The following TRMT61A variants were observed in gnomAD, a reference collection of about 807,000 sequenced individuals.
TRMT61A encodes the protein tRNA (adenine(58)-N(1))-methyltransferase catalytic subunit TRMT61A.
In TRMT61A, 15 loss-of-function variants were observed where a neutral mutation model predicts 21.3. The ratio of observed to expected loss-of-function variants is 0.70; its 90% CI spans 0.47 to 1.08. The LOEUF is 1.08. Ranked by LOEUF, TRMT61A falls within the 50% of genes least tolerant of loss-of-function variation. TRMT61A has a pLI of 0.00. For missense variants in TRMT61A, 352 were observed against 426.7 expected, an observed-to-expected ratio of 0.83 and a Z score of 1.54; for synonymous variants, 183 against 185.5, an observed-to-expected ratio of 0.99 and a Z score of 0.11.
Position 103,533,356 on chromosome 14 carries a change from C to T in TRMT61A, c.598+508C>T, listed in dbSNP as rs551740610. Among the ~76,000 whole-genome samples the T allele has an allele frequency of 2.6e-5, 4 of 152,338 alleles. No homozygotes were observed. The South Asian group carries it at 6.2e-4, about 24-fold the overall frequency. The stretch of plus-strand genomic sequence containing the variant: ...GCAGCAGGGGCCCCTTCCTTCTTCC[C>T]AGCTGAGAGTTGTATTCTGAGAGGG... On this transcript the variant is annotated intron_variant, in intron 3 of 3. Coordinates refer to ENST00000389749, the MANE Select transcript of TRMT61A (RefSeq NM_152307.3).
intron 2 of TRMT61A, among the ~76,000 whole-genome samples, chr14:103,530,802 T>A (rs2075951696): frequency 6.6e-6 from 1 of 152,206 alleles, no homozygotes; most frequent in Non-Finnish European, 1.5e-5. Flanking sequence ...GGGCCTGGGC[T>A]GTGGGAACCC....
rs1336766492 is a variant in TRMT61A, at chr14:103,535,652, G to A, written c.*831G>A. 1 of 311,214 alleles carries A rather than the reference G, an allele frequency of 3.2e-6. No homozygotes were observed. The highest frequency in any genetic ancestry group is 6.4e-6 in the Non-Finnish European group (1 of 156,740). The allele number at this position is 311,214 out of a possible 1,614,324, so 19.3% of individuals were successfully genotyped here. A position where few individuals can be genotyped will look rare whatever the true frequency, so the allele number is the denominator to read the frequency against. ...GTGGGTACCCCTACCCCTCACAGAA[G>A]CCAAGGGCATGGAGGAGGTCCCTCC... On this transcript the variant is annotated 3_prime_UTR_variant, in exon 4 of 4. Coordinates refer to ENST00000389749, the MANE Select transcript of TRMT61A (RefSeq NM_152307.3).
chr14:103,534,809 G>A lies in TRMT61A; in HGVS notation c.858G>A (p.Lys286=). The change falls in exon 4 of 4, where the codon AAG becomes AAA. Residue 286 remains lysine, a synonymous_variant. Coordinates refer to ENST00000389749, the MANE Select transcript of TRMT61A (RefSeq NM_152307.3). ...CCGGCTACCTGACCTTCGCCACCAA[G>A]ACCCCAGGCTAGGGGGCCGCCTCCC... ...GHTGYLTFAT[K]TPG 6.4e-7 allele frequency: 1 copy of A among 1,552,742 alleles called. No individual in the cohort carries two copies. The highest frequency in any genetic ancestry group is 2.4e-5 in the East Asian group (1 of 42,480).
Position 103,534,419 on chromosome 14 carries a change from A to T in TRMT61A, c.599-131A>T. On this transcript the variant is annotated intron_variant, in intron 3 of 3. Transcript: ENST00000389749. ...TGCCCTGCAGTCCCAGCTCTTGGAGAGCTTGCAGTCTGTGTTGGGGCTGTC... is the reference window on the plus strand; with the variant it reads ...TGCCCTGCAGTCCCAGCTCTTGGAGTGCTTGCAGTCTGTGTTGGGGCTGTC... The T allele has an allele frequency of 4.6e-6, 5 of 1,091,226 alleles. 1 individual carries two copies. The South Asian group carries it at 1.0e-4, about 22-fold the overall frequency. The allele number at this position is 1,091,226 out of a possible 1,614,324, so 67.6% of individuals were successfully genotyped here. A position where few individuals can be genotyped will look rare whatever the true frequency, so the allele number is the denominator to read the frequency against.
intron 2 of TRMT61A, 22 bp downstream of exon 2, chr14:103,530,331 A>C: frequency 6.4e-7 from 1 of 1,557,138 alleles, no homozygotes; most frequent in Non-Finnish European, 8.7e-7. Context: ...AGGCTGCCTC[A>C]GTTTAACGCA....
chr14:103,530,448 G>T, intron 2 of TRMT61A, 139 bp downstream of exon 2: 1 of 801,686 alleles, frequency 1.2e-6, no homozygotes, highest in Non-Finnish European at 1.9e-6. Flanking sequence ...CTGACAGCAG[G>T]GAGTGAAGGT....
Position 103,534,757 on chromosome 14 carries a change from C to T in TRMT61A, c.806C>T (p.Thr269Met), listed in dbSNP as rs377517086. The change falls in exon 4 of 4, where the codon ACG becomes ATG. Residue 269 changes from threonine (T) to methionine (M), a missense_variant. By Grantham distance (81) the Thr-to-Met change is moderately conservative. Transcript: ENST00000389749. ...GSDTSPFRSG[T>M]PMKEAVGHTG... is the part of the protein sequence containing the mutation. ...GACACCAGCCCCTTCCGCAGCGGCA[C>T]GCCCATGAAGGAGGCCGTGGGCCAC... 7.4e-5 allele frequency: 117 copies of T among 1,588,240 alleles called. No individual in the cohort carries two copies. The highest frequency in any genetic ancestry group is 2.1e-4 in the African/African-American group (16 of 74,606).
In TRMT61A at chr14:103,535,106, G is replaced by T. The variant is rs970574028; in HGVS notation, c.*285G>T. Reference sequence around the variant, plus strand: ...GCCACAGGCTCCCCTGGGTGTTGAAGCCAAAGGGTGCAGGTGGGGGAGTCT... The same window carrying T: ...GCCACAGGCTCCCCTGGGTGTTGAATCCAAAGGGTGCAGGTGGGGGAGTCT... On this transcript the variant is annotated 3_prime_UTR_variant, in exon 4 of 4. Coordinates refer to ENST00000389749, the MANE Select transcript of TRMT61A (RefSeq NM_152307.3). 2 of 654,252 alleles carry T rather than the reference G, an allele frequency of 3.1e-6. No homozygotes were observed. The highest frequency in any genetic ancestry group is 3.6e-5 in the African/African-American group (2 of 56,258). The allele number at this position is 654,252 out of a possible 1,614,324, so 40.5% of individuals were successfully genotyped here. A position where few individuals can be genotyped will look rare whatever the true frequency, so the allele number is the denominator to read the frequency against.
At chr14:103,529,489 G>GC (rs2075946129) in intron 1 of TRMT61A, among the ~76,000 whole-genome samples, 1 of 152,250 alleles carries the variant, frequency 6.6e-6, no homozygotes, top group Non-Finnish European at 1.5e-5. Context: ...CTGCCACCTA[G>GC]CCCCCGTGGG....
chr14:103,535,008 G>C lies in TRMT61A; in HGVS notation c.*187G>C, dbSNP rs1232620284. The C allele has an allele frequency of 9.0e-6, 7 of 775,960 alleles. No homozygotes were observed. The highest frequency in any genetic ancestry group is 1.3e-5 in the Non-Finnish European group (6 of 453,000). 48.1% of individuals were successfully genotyped at this position (775,960 alleles called of 1,614,324 possible). A position where few individuals can be genotyped will look rare whatever the true frequency, so the allele number is the denominator to read the frequency against. ...GTGATGGAGGAGCAGTGCTGGGGCT[G>C]GGCCTCAGCCATTCCTGTCCAGCCC... On this transcript the variant is annotated 3_prime_UTR_variant, in exon 4 of 4. Coordinates refer to ENST00000389749, the MANE Select transcript of TRMT61A (RefSeq NM_152307.3).
chr14:103,533,813 C>T (rs2075963274), intron 3 of TRMT61A, among the ~76,000 whole-genome samples: 2 of 152,246 alleles, frequency 1.3e-5, no homozygotes, highest in Non-Finnish European at 2.9e-5. Context: ...GCGGCATGCT[C>T]AGCCTCTGTG....
intron 1 of TRMT61A, 138 bp from the exon 2 acceptor site, chr14:103,529,812 G>T (rs1413414864): frequency 1.6e-6 from 1 of 641,682 alleles, no homozygotes; most frequent in African/African-American, 1.8e-5. Flanking sequence ...CTGTCAGGCA[G>T]TGGCAGAGAC....
intron 3 of TRMT61A, 102 bp downstream of exon 3, chr14:103,532,950 A>G: frequency 7.0e-7 from 1 of 1,419,662 alleles, no homozygotes. Context: ...ACCAAGCCAC[A>G]CCATGGCAGT....
chr14:103,534,206 G>C (rs1284147557), intron 3 of TRMT61A, among the ~76,000 whole-genome samples: 3 of 152,246 alleles, frequency 2.0e-5, no homozygotes, highest in Non-Finnish European at 2.9e-5. Flanking sequence ...GAGCTGCTCC[G>C]GGCCCAGAGC....
chr14:103,530,060 G>A lies in TRMT61A; in HGVS notation c.82G>A (p.Val28Met). 4 of 1,613,046 alleles carry A rather than the reference G, an allele frequency of 2.5e-6. No homozygotes were observed. The highest frequency in any genetic ancestry group is 3.4e-6 in the Non-Finnish European group (4 of 1,180,006). ...ACTGGGCCATGGTGCAATGGTGGCG[G>A]TGCGTGTGCAGCGTGGGGCACAGAC... ...LSLGHGAMVA[V>M]RVQRGAQTQT... The change falls in exon 2 of 4, where the codon GTG becomes ATG. Residue 28 changes from valine (V) to methionine (M), a missense_variant. Transcript: ENST00000389749.
rs751378783 is a variant in TRMT61A at position 103,531,949 on chromosome 14, G to A, written c.332-633G>A. On this transcript the variant is annotated intron_variant, in intron 2 of 3. Coordinates refer to ENST00000389749, the MANE Select transcript of TRMT61A (RefSeq NM_152307.3). This position sits in a 1 kb window ranked among gnomAD's most constrained non-coding sequence, Gnocchi z 5.1. ...TGAGGGAAGCTGGGGAGGGAAGCTG[G>A]GGGCAGGTGCGCTGGGGAGGACTGG... Among the ~76,000 whole-genome samples the A allele has an allele frequency of 2.6e-5, 4 of 151,912 alleles. No individual in the cohort carries two copies. The highest frequency in any genetic ancestry group is 4.8e-5 in the African/African-American group (2 of 41,330).
chr14:103,530,170 C>G lies in TRMT61A; in HGVS notation c.192C>G (p.Gly64=), dbSNP rs1219866061. The G allele has an allele frequency of 1.9e-6, 3 of 1,612,798 alleles. No homozygotes were observed. Among genetic ancestry groups the G allele is most frequent in the Admixed American group, 3.3e-5 (2 of 60,024 alleles). The change falls in exon 2 of 4, where the codon GGC becomes GGG. Residue 64 remains glycine, a synonymous_variant. Coordinates refer to ENST00000389749, the MANE Select transcript of TRMT61A (RefSeq NM_152307.3). ...FGSKVTCGRG[G]WVYVLHPTPE... is the part of the protein sequence containing the mutation. ...CCAAGGTGACGTGCGGCCGAGGTGGCTGGGTGTATGTGCTGCACCCCACGC... is the reference window on the plus strand; with the variant it reads ...CCAAGGTGACGTGCGGCCGAGGTGGGTGGGTGTATGTGCTGCACCCCACGC...
Position 103,530,339 on chromosome 14 carries a change from G to T in TRMT61A, c.331+30G>T, listed in dbSNP as rs757421765. ...GTTCCTCAGGCTGCCTCAGTTTAAC[G>T]CAGAAATTGACACAAAGGTGGAGGT... On this transcript the variant is annotated intron_variant, in intron 2 of 3. Coordinates refer to ENST00000389749, the MANE Select transcript of TRMT61A (RefSeq NM_152307.3). The T allele has an allele frequency of 3.9e-6, 6 of 1,548,888 alleles. No homozygotes were observed. In the East Asian group the frequency reaches 1.4e-4, roughly 35 times the overall value.
In TRMT61A at chr14:103,530,153, A is replaced by G. The variant is rs780641430; in HGVS notation, c.175A>G (p.Thr59Ala). The G allele has an allele frequency of 6.2e-7, 1 of 1,612,812 alleles. No individual in the cohort carries two copies. The highest frequency in any genetic ancestry group is 1.1e-5 in the South Asian group (1 of 91,072). The change falls in exon 2 of 4, where the codon ACG becomes GCG. Residue 59 changes from threonine (T) to alanine (A), a missense_variant. Transcript: ENST00000389749. Reference protein sequence around the residue: ...LIGRPFGSKVTCGRGGWVYVL... With the variant: ...LIGRPFGSKVACGRGGWVYVL... Reference sequence around the variant, plus strand: ...CGGCCGCCCCTTCGGCTCCAAGGTGACGTGCGGCCGAGGTGGCTGGGTGTA... The same window carrying G: ...CGGCCGCCCCTTCGGCTCCAAGGTGGCGTGCGGCCGAGGTGGCTGGGTGTA...
Sources: gnomAD v4.1 joint callset for allele counts (sites outside exome capture counted in the v4.1 genomes callset) on GRCh38, gnomAD v4.1.1 for gene constraint, Gnocchi (gnomAD v3.1) non-coding constraint, MANE v1.5 for transcripts, NCBI Gene and HGNC (gene_info 2026-07-23, HGNC 2026-07-21) for gene names.